Variants in EEFSEC observed in about 807,000 individuals in gnomAD.
The protein encoded by EEFSEC is eukaryotic elongation factor, selenocysteine-tRNA specific.
EEFSEC carries 43 observed loss-of-function variants against 42.1 expected under a neutral mutation model. That is an observed-to-expected ratio of 1.02 (90% CI 0.80 to 1.32). The LOEUF is 1.32. EEFSEC is among the 40% of genes most tolerant of loss of function. EEFSEC has a pLI of 0.00. For missense variants in EEFSEC, 745 were observed against 803.6 expected (o/e 0.93, Z 0.88); for synonymous variants, 354 against 339.1 (o/e 1.04, Z -0.48).
intron 1 of EEFSEC, among the ~76,000 whole-genome samples, chr3:128,216,916 T>TGGAG (rs2065816143): frequency 6.6e-6 from 1 of 151,730 alleles, no homozygotes; most frequent in Non-Finnish European, 1.5e-5. Flanking sequence ...ACTTTTCAGA[T>TGGAG]ACTTGACCTC....
At chr3:128,398,124 C>T (rs2107632161) in intron 6 of EEFSEC, among the ~76,000 whole-genome samples, 1 of 152,316 alleles carries the variant, frequency 6.6e-6, no homozygotes, top group South Asian at 2.1e-4. Flanking sequence ...CAATACTGCC[C>T]CTTCCTGGCA....
chr3:128,318,145 G>A (rs2066967749), intron 4 of EEFSEC, among the ~76,000 whole-genome samples: 1 of 152,254 alleles, frequency 6.6e-6, no homozygotes, highest in African/African-American at 2.4e-5. Flanking sequence ...TGCTGGTGGT[G>A]AGACTGCATG....
chr3:128,181,759 AG>A (rs2065408190), intron 1 of EEFSEC, among the ~76,000 whole-genome samples: 1 of 152,176 alleles, frequency 6.6e-6, no homozygotes, highest in African/African-American at 2.4e-5. Context: ...TGAGCAATAC[AG>A]GGTTAATGTT....
chr3:128,334,912 C>T (rs898013929), intron 4 of EEFSEC, among the ~76,000 whole-genome samples: 1 of 152,220 alleles, frequency 6.6e-6, no homozygotes, highest in Non-Finnish European at 1.5e-5. Flanking sequence ...TCTCTGCTGC[C>T]CTTCTCACTG....
At chr3:128,276,553 G>A (rs1029095059) in intron 4 of EEFSEC, among the ~76,000 whole-genome samples, 1 of 152,102 alleles carries the variant, frequency 6.6e-6, no homozygotes, top group African/African-American at 2.4e-5. Context: ...GAGTTACTGT[G>A]GGAAGGAAAA....
chr3:128,367,211 T>C (rs189453148), intron 6 of EEFSEC, among the ~76,000 whole-genome samples: 17 of 152,230 alleles, frequency 1.1e-4, no homozygotes, highest in Admixed American at 7.8e-4. Context: ...AGTCTGGGGG[T>C]TAGGATTCCA....
chr3:128,268,477 G>A (rs1457212873), intron 4 of EEFSEC, among the ~76,000 whole-genome samples: 1 of 152,172 alleles, frequency 6.6e-6, no homozygotes, highest in Non-Finnish European at 1.5e-5. Context: ...GTAGACTATA[G>A]TAGGTTAAAT....
intron 4 of EEFSEC, among the ~76,000 whole-genome samples, chr3:128,274,199 G>T (rs1266969321): frequency 3.9e-5 from 6 of 152,232 alleles, no homozygotes; most frequent in Non-Finnish European, 5.9e-5. Flanking sequence ...GAGCAACTGG[G>T]CTTGGGTTTG....
chr3:128,182,312 C>CAA (rs34027926), intron 1 of EEFSEC, among the ~76,000 whole-genome samples: 3 of 109,044 alleles, frequency 2.8e-5, no homozygotes, highest in Non-Finnish European at 6.2e-5. Context: ...AGTAACTATC[C>CAA]AAAAAAAAAA....
chr3:128,398,704 C>T (rs2068012219), intron 6 of EEFSEC, among the ~76,000 whole-genome samples: 1 of 151,186 alleles, frequency 6.6e-6, no homozygotes, highest in East Asian at 2.0e-4. Context: ...TGAGCTGTCC[C>T]GAGAGGCTGG....
intron 5 of EEFSEC, among the ~76,000 whole-genome samples, chr3:128,351,606 C>A (rs574666807): frequency 1.3e-5 from 2 of 152,214 alleles, no homozygotes; most frequent in Non-Finnish European, 2.9e-5. Flanking sequence ...TTAGAATGGT[C>A]ACTTCACAGC....
chr3:128,332,280 G>GTTT (rs2067142431), intron 4 of EEFSEC, among the ~76,000 whole-genome samples: 1 of 152,086 alleles, frequency 6.6e-6, no homozygotes, highest in African/African-American at 2.4e-5. Flanking sequence ...CTACAAACAT[G>GTTT]GTGCCACTGT....
chr3:128,325,766 G>A (rs1559920996), intron 4 of EEFSEC, among the ~76,000 whole-genome samples: 1 of 152,098 alleles, frequency 6.6e-6, no homozygotes, highest in Non-Finnish European at 1.5e-5. Flanking sequence ...TTTATACCTT[G>A]ATTATTGGTT....
At chr3:128,153,862 C>A in intron 1 of EEFSEC, 39 bp downstream of exon 1, 1 of 1,461,872 alleles carries the variant, frequency 6.8e-7, no homozygotes, top group Middle Eastern at 2.3e-4. Flanking sequence ...CTCAGGGACG[C>A]GGGCGGAGCG....
rs113057596 is a variant in EEFSEC, at chr3:128,393,529, C to T, written c.1601-14540C>T. Among the ~76,000 whole-genome samples, 529 of 152,308 alleles carry T rather than the reference C, an allele frequency of 3.5e-3. 1 individual carries two copies. The highest frequency in any genetic ancestry group is 0.012 in the African/African-American group (489 of 41,562). On this transcript the variant is annotated intron_variant, in intron 6 of 6. Coordinates refer to ENST00000254730, the MANE Select transcript of EEFSEC (RefSeq NM_021937.5). ...TGGCCAGAGGTGCTCCAAGCTGAGG[C>T]CTATGCACTCCAAGACCGGGGGGCA...
At chr3:128,278,550 T>A (rs1240090990) in intron 4 of EEFSEC, among the ~76,000 whole-genome samples, 1 of 152,214 alleles carries the variant, frequency 6.6e-6, no homozygotes, top group Non-Finnish European at 1.5e-5. Flanking sequence ...TGTCTGAAGC[T>A]CAGAGAAGTT....
intron 4 of EEFSEC, among the ~76,000 whole-genome samples, chr3:128,318,283 T>C (rs969255153): frequency 2.0e-5 from 3 of 152,376 alleles, no homozygotes; most frequent in African/African-American, 7.2e-5. Context: ...AAAGTTTTGC[T>C]GGGACAACTT....
chr3:128,184,640 G>T (rs1469530054), intron 1 of EEFSEC, among the ~76,000 whole-genome samples: 1 of 152,054 alleles, frequency 6.6e-6, no homozygotes, highest in Non-Finnish European at 1.5e-5. Context: ...TTGGCTTAAC[G>T]TGTATTTTTC....
At chr3:128,178,355 G>T (rs2065372286) in intron 1 of EEFSEC, among the ~76,000 whole-genome samples, 1 of 152,042 alleles carries the variant, frequency 6.6e-6, no homozygotes, top group Non-Finnish European at 1.5e-5. Flanking sequence ...CTTGTATTTT[G>T]GGGGCTGAGG....
Sources: gnomAD v4.1 joint callset for allele counts (sites outside exome capture counted in the v4.1 genomes callset) on GRCh38, gnomAD v4.1.1 for gene constraint, MANE v1.5 for transcripts, NCBI Gene and HGNC (gene_info 2026-07-23, HGNC 2026-07-21) for gene names.